TNPO1: variants seen among roughly 807,000 people sequenced by gnomAD.
The protein encoded by TNPO1 is transportin-1.
In TNPO1, 8 loss-of-function variants were observed where a neutral mutation model predicts 119.5. The observed-to-expected ratio is 0.07, with a 90% CI of 0.04 to 0.12. The LOEUF is 0.12. TNPO1 is among the 10% of genes least tolerant of loss of function. The pLI is 1.00. For synonymous variants in TNPO1, 362 were observed against 363.0 expected (o/e 1.00, Z 0.03); for missense variants, 576 against 1,089.8 (o/e 0.53, Z 6.64).
At chr5:72,846,566 T>C (rs141042169) in intron 1 of TNPO1, among the ~76,000 whole-genome samples, 1 of 152,218 alleles carries the variant, frequency 6.6e-6, no homozygotes, top group Non-Finnish European at 1.5e-5. Context: ...TTGTTTGATT[T>C]ATTATAATAT....
chr5:72,830,220 T>C (rs1744397371), intron 1 of TNPO1, among the ~76,000 whole-genome samples: 1 of 152,092 alleles, frequency 6.6e-6, no homozygotes, highest in Non-Finnish European at 1.5e-5. Flanking sequence ...CTAGAGACTT[T>C]TGTTAGGTAC....
chr5:72,852,347 A>G (rs1451508401), intron 3 of TNPO1, among the ~76,000 whole-genome samples: 1 of 152,190 alleles, frequency 6.6e-6, no homozygotes, highest in East Asian at 1.9e-4. Flanking sequence ...CTGCCATGCA[A>G]TTTACAGGCT....
intron 10 of TNPO1, 86 bp from the exon 11 acceptor site, chr5:72,882,978 C>A: frequency 1.1e-6 from 1 of 941,770 alleles, no homozygotes; most frequent in Non-Finnish European, 1.7e-6. Context: ...ATGACCCCAT[C>A]TCTGGATATT....
chr5:72,861,735 C>A, intron 4 of TNPO1, 73 bp from the exon 5 acceptor site: 1 of 1,039,954 alleles, frequency 9.6e-7, no homozygotes, highest in Non-Finnish European at 1.5e-6. Context: ...TGTGTTTGTG[C>A]ACACAGTTGC....
intron 1 of TNPO1, among the ~76,000 whole-genome samples, chr5:72,845,781 T>C (rs868368131): frequency 6.6e-6 from 1 of 151,976 alleles, no homozygotes; most frequent in Non-Finnish European, 1.5e-5. Context: ...TGGCCTGATA[T>C]TATGGTACAG....
At chr5:72,854,828 A>G (rs1032363373) in intron 3 of TNPO1, among the ~76,000 whole-genome samples, 5 of 152,126 alleles carry the variant, frequency 3.3e-5, no homozygotes, top group African/African-American at 1.2e-4. Flanking sequence ...ACTCTTTTTA[A>G]ATGTTTTTGG....
At chr5:72,837,927 A>G (rs750628976) in intron 1 of TNPO1, among the ~76,000 whole-genome samples, 2 of 152,210 alleles carry the variant, frequency 1.3e-5, no homozygotes, top group Non-Finnish European at 2.9e-5. Context: ...CCTCTACTCC[A>G]TCAGGAACTA....
chr5:72,891,233 G>T (rs528039309), intron 14 of TNPO1, among the ~76,000 whole-genome samples: 2 of 152,132 alleles, frequency 1.3e-5, no homozygotes, highest in African/African-American at 2.4e-5. Context: ...TTGGGAGGCT[G>T]AGGTGGGCAG....
chr5:72,838,623 C>T (rs1744792098), intron 1 of TNPO1, among the ~76,000 whole-genome samples: 1 of 152,120 alleles, frequency 6.6e-6, no homozygotes, highest in Non-Finnish European at 1.5e-5. Flanking sequence ...CATTATTTTA[C>T]CTAGAGTACT....
chr5:72,899,125 AAT>A (rs1028947948), intron 20 of TNPO1, among the ~76,000 whole-genome samples: 3 of 152,188 alleles, frequency 2.0e-5, no homozygotes, highest in Non-Finnish European at 4.4e-5. Flanking sequence ...TGTAAAAAAA[AAT>A]AGTGTGTAAT....
intron 18 of TNPO1, among the ~76,000 whole-genome samples, chr5:72,895,373 T>TA (rs1749355956): frequency 1.3e-5 from 2 of 150,644 alleles, no homozygotes; most frequent in Non-Finnish European, 3.0e-5. Context: ...TTTTTAATGT[T>TA]ACCAATCTTG....
chr5:72,850,789 G>T (rs190714821), intron 2 of TNPO1, among the ~76,000 whole-genome samples: 28 of 152,280 alleles, frequency 1.8e-4, no homozygotes, highest in Admixed American at 9.8e-4. Flanking sequence ...AAGAACAAAT[G>T]AGTCTGAGAA....
chr5:72,908,096 C>CT (rs1451408684), intron 24 of TNPO1, among the ~76,000 whole-genome samples: 3 of 152,032 alleles, frequency 2.0e-5, no homozygotes, highest in Non-Finnish European at 4.4e-5. Flanking sequence ...TTCTCTCTCT[C>CT]TTTTTTTATG....
rs764213859 is a variant in TNPO1 at position 72,891,804 on chromosome 5, A to G, written c.1702-6A>G. On this transcript the variant is annotated splice_region_variant and splice_polypyrimidine_tract_variant and intron_variant, in intron 14 of 24. Coordinates refer to ENST00000337273, the MANE Select transcript of TNPO1 (RefSeq NM_002270.4). ...AATTTTATATGTTTTTCATCATTGT[A>G]AATAGGAATATATTCAGATGCTAAT... 6.3e-7 allele frequency: 1 copy of G among 1,587,264 alleles called. No homozygotes were observed. Among genetic ancestry groups the G allele is most frequent in the East Asian group, 2.2e-5 (1 of 44,496 alleles).
At chr5:72,886,235 T>C (rs775421261) in intron 11 of TNPO1, among the ~76,000 whole-genome samples, 1 of 152,202 alleles carries the variant, frequency 6.6e-6, no homozygotes, top group Non-Finnish European at 1.5e-5. Flanking sequence ...TATAGTCCCA[T>C]AGTTAATTCT....
chr5:72,855,779 C>A lies in TNPO1; in HGVS notation c.211C>A (p.Pro71Thr), dbSNP rs757741455. ...CTATTACTATTTTATTACAGATGAA[C>A]CCACAAGATCATTGAGTGGTCTTAT... The part of the protein sequence containing the change: ...VLTKLKSEDE[P>T]TRSLSGLILK... The change falls in exon 4 of 25, where the codon CCC becomes ACC. Residue 71 changes from proline to threonine, a missense_variant. Around this residue, in one of 6 missense-constraint regions of TNPO1, gnomAD observed 310 missense variants for 583.0 expected, o/e 0.53. Coordinates refer to ENST00000337273, the MANE Select transcript of TNPO1 (RefSeq NM_002270.4). 1.6e-5 allele frequency: 25 copies of A among 1,602,716 alleles called. No individual in the cohort carries two copies. Among genetic ancestry groups the A allele is most frequent in the Admixed American group, 8.6e-5 (5 of 58,126 alleles).
At chr5:72,875,830 T>C in intron 8 of TNPO1, 93 bp downstream of exon 8, 1 of 1,368,064 alleles carries the variant, frequency 7.3e-7, no homozygotes, top group Non-Finnish European at 9.9e-7. Flanking sequence ...AAGGGGACTA[T>C]AAAATAGTTA....
At chr5:72,833,155 T>C (rs1196172708) in intron 1 of TNPO1, among the ~76,000 whole-genome samples, 2 of 152,222 alleles carry the variant, frequency 1.3e-5, no homozygotes, top group Admixed American at 6.5e-5. Flanking sequence ...ATTTGAGTTA[T>C]TCCCCCTCTT....
intron 7 of TNPO1, among the ~76,000 whole-genome samples, chr5:72,873,801 A>G (rs998099342): frequency 6.6e-6 from 1 of 152,112 alleles, no homozygotes; most frequent in Non-Finnish European, 1.5e-5. Context: ...AAATGAGTCA[A>G]TAATTGACCT....
Sources: gnomAD v4.1 joint callset for allele counts (sites outside exome capture counted in the v4.1 genomes callset) on GRCh38, gnomAD v4.1.1 for gene constraint, gnomAD v4.1.1 regional missense constraint, MANE v1.5 for transcripts, NCBI Gene and HGNC (gene_info 2026-07-23, HGNC 2026-07-21) for gene names.